RPS6KA2: variants seen among roughly 807,000 people sequenced by gnomAD.
RPS6KA2 encodes the protein ribosomal protein S6 kinase alpha-2.
In RPS6KA2, 42 loss-of-function variants were observed where a neutral mutation model predicts 91.8. That is an observed-to-expected ratio of 0.46 (90% CI 0.36 to 0.59). The LOEUF (loss-of-function observed/expected upper bound fraction) is 0.59, where lower values mean the gene tolerates loss of function less well. RPS6KA2 is among the 20% of genes least tolerant of loss of function. The pLI is 0.00. For missense variants in RPS6KA2, 798 were observed against 978.5 expected, an observed-to-expected ratio of 0.82 and a Z score of 2.46; for synonymous variants, 414 against 393.6, an observed-to-expected ratio of 1.05 and a Z score of -0.61.
Position 166,448,717 on chromosome 6 carries a change from G to C in RPS6KA2, c.1332+7C>G. On this transcript the variant is annotated splice_region_variant and intron_variant, in intron 14 of 20. Coordinates refer to ENST00000265678, the MANE Select transcript of RPS6KA2 (RefSeq NM_021135.6). The surrounding 1 kb of genome is among the most constrained non-coding windows in gnomAD (Gnocchi z 4.7). ...AGGGCCCTGCTCACTCAGCAGGCCT[G>C]CCTTACCTTCACGGCATACTCGGTG... 2 of 1,607,650 alleles carry C rather than the reference G, an allele frequency of 1.2e-6. No homozygotes were observed. Among genetic ancestry groups the C allele is most frequent in the Non-Finnish European group, 1.7e-6 (2 of 1,176,618 alleles).
chr6:166,551,483 C>T (rs569460798), intron 1 of RPS6KA2, among the ~76,000 whole-genome samples: 4 of 152,028 alleles, frequency 2.6e-5, no homozygotes, highest in African/African-American at 7.3e-5. Flanking sequence ...GGAAGCCCTA[C>T]GAAAAACAAT....
At chr6:166,441,965 G>A (rs1033369647) in intron 14 of RPS6KA2, among the ~76,000 whole-genome samples, 6 of 152,222 alleles carry the variant, frequency 3.9e-5, no homozygotes, top group African/African-American at 9.6e-5. Flanking sequence ...TAGAGGAAGC[G>A]GTCCGGCTGC....
At chr6:166,811,269 C>G (rs530294568) in intron 2 of RPS6KA2, among the ~76,000 whole-genome samples, 1 of 152,182 alleles carries the variant, frequency 6.6e-6, no homozygotes. Context: ...CTGGACTGAC[C>G]GCCAACAGCC....
Position 166,795,729 on chromosome 6 carries a change from C to T in RPS6KA2, c.123+62471G>A, listed in dbSNP as rs143126196. 6.3e-4 allele frequency among the ~76,000 whole-genome samples: 96 copies of T among 152,318 alleles called. 1 individual carries two copies. In the East Asian group the frequency reaches 0.013, roughly 21 times the overall value. ...GGCTCCAGGCTGTGGGCTGCTGCCC[C>T]AGCAGGCTCAGGTGCAGTGTGTGGG... On this transcript the variant is annotated intron_variant, in intron 2 of 21. Coordinates refer to the RPS6KA2 transcript ENST00000503859.
chr6:166,530,943 C>T (rs1031748424), intron 3 of RPS6KA2, among the ~76,000 whole-genome samples: 8 of 152,252 alleles, frequency 5.3e-5, no homozygotes, highest in Non-Finnish European at 8.8e-5. Flanking sequence ...ACAGCCTGCT[C>T]GCAGCCTGCT....
intron 2 of RPS6KA2, among the ~76,000 whole-genome samples, chr6:166,657,536 G>T (rs1405343981): frequency 6.6e-6 from 1 of 152,190 alleles, no homozygotes; most frequent in Non-Finnish European, 1.5e-5. Flanking sequence ...AACCCTTGTG[G>T]GAACCAGGGG....
At chr6:166,619,051 C>T (rs1786527142) in intron 1 of RPS6KA2, among the ~76,000 whole-genome samples, 1 of 152,198 alleles carries the variant, frequency 6.6e-6, no homozygotes, top group Non-Finnish European at 1.5e-5. Context: ...CCCATCGATG[C>T]CATCAGATTC....
At chr6:166,431,063 G>A (rs1779112602) in intron 15 of RPS6KA2, among the ~76,000 whole-genome samples, 1 of 152,170 alleles carries the variant, frequency 6.6e-6, no homozygotes, top group African/African-American at 2.4e-5. Flanking sequence ...GAGTAGCTGG[G>A]ATTATAGGTG....
At chr6:166,839,544 T>C (rs1171696734) in intron 2 of RPS6KA2, among the ~76,000 whole-genome samples, 2 of 151,052 alleles carry the variant, frequency 1.3e-5, no homozygotes, top group Non-Finnish European at 2.9e-5. Context: ...ATCATTATTT[T>C]CTAAATGTAA....
chr6:166,718,337 G>A (rs1015821654), intron 2 of RPS6KA2, among the ~76,000 whole-genome samples: 22 of 151,970 alleles, frequency 1.4e-4, no homozygotes, highest in Admixed American at 2.0e-4. Context: ...CCACAGTGCC[G>A]ATGTAGGAAA....
intron 2 of RPS6KA2, among the ~76,000 whole-genome samples, chr6:166,828,171 C>G (rs538615625): frequency 6.6e-6 from 1 of 152,338 alleles, no homozygotes; most frequent in East Asian, 1.9e-4. Context: ...CTGTTCCCTC[C>G]CAGCTTCAGC....
chr6:166,827,098 A>G (rs556017169), intron 2 of RPS6KA2, among the ~76,000 whole-genome samples: 1 of 152,212 alleles, frequency 6.6e-6, no homozygotes, highest in South Asian at 2.1e-4. Flanking sequence ...AGGTTGTTAA[A>G]GTTGTCAGAA....
At chr6:166,507,201 C>T (rs958978718) in intron 5 of RPS6KA2, among the ~76,000 whole-genome samples, 3 of 152,230 alleles carry the variant, frequency 2.0e-5, no homozygotes, top group African/African-American at 4.8e-5. Context: ...CTTTCCCAGC[C>T]GCTCCTACCC....
chr6:166,656,296 GGAA>G (rs752982375), intron 2 of RPS6KA2, among the ~76,000 whole-genome samples: 30 of 152,210 alleles, frequency 2.0e-4, no homozygotes, highest in Admixed American at 3.3e-4. Context: ...GGAGAGGCAG[GGAA>G]GAAGAAGAAG....
intron 2 of RPS6KA2, among the ~76,000 whole-genome samples, chr6:166,538,360 C>T (rs1450085598): frequency 6.6e-6 from 1 of 152,102 alleles, no homozygotes; most frequent in South Asian, 2.1e-4. Flanking sequence ...TTCAAAGATA[C>T]ATTGGCTCAG....
At chr6:166,455,026 T>C (rs6941841) in intron 12 of RPS6KA2, among the ~76,000 whole-genome samples, 62,972 of 151,628 alleles carry the variant, frequency 0.42, 15,378 homozygotes, top group African/African-American at 0.68. Flanking sequence ...CTTATTTATA[T>C]ATCTTTTAAG....
intron 3 of RPS6KA2, among the ~76,000 whole-genome samples, chr6:166,527,648 G>A (rs925780278): frequency 5.9e-5 from 9 of 152,198 alleles, no homozygotes; most frequent in South Asian, 2.1e-4. Flanking sequence ...GTGTACCATC[G>A]GTGGGTTTTA....
At chr6:166,534,366 T>G (rs1398202332) in intron 2 of RPS6KA2, among the ~76,000 whole-genome samples, 1 of 151,562 alleles carries the variant, frequency 6.6e-6, no homozygotes, top group Admixed American at 6.6e-5. Flanking sequence ...AACAACAAGC[T>G]CCCTCTTTCA....
chr6:166,700,975 A>C (rs1789498109), intron 2 of RPS6KA2: 1 of 782,708 alleles, frequency 1.3e-6, no homozygotes, highest in African/African-American at 1.7e-5. Flanking sequence ...CCTCAGAAAC[A>C]AGTGGCTAGG....
Sources: allele counts gnomAD v4.1 joint callset (sites outside exome capture counted in the v4.1 genomes callset), GRCh38; gene constraint gnomAD v4.1.1; non-coding constraint Gnocchi (gnomAD v3.1); transcripts MANE v1.5; gene names NCBI Gene and HGNC (gene_info 2026-07-23, HGNC 2026-07-21).